The following BACE1 variants were observed in gnomAD, a reference collection of about 807,000 sequenced individuals.
BACE1 encodes the protein APP beta-secretase.
In BACE1, 21 loss-of-function variants were observed where a neutral mutation model predicts 54.0. The observed-to-expected ratio is 0.39, with a 90% CI of 0.28 to 0.56. The LOEUF is 0.56. BACE1 is among the 20% of genes least tolerant of loss of function. The pLI is 0.63. For missense variants in BACE1, 511 were observed against 661.2 expected, an observed-to-expected ratio of 0.77 and a Z score of 2.49; for synonymous variants, 232 against 260.9, an observed-to-expected ratio of 0.89 and a Z score of 1.07.
intron 1 of BACE1, among the ~76,000 whole-genome samples, chr11:117,301,276 G>A (rs565356556): frequency 1.3e-5 from 2 of 152,184 alleles, no homozygotes; most frequent in South Asian, 4.1e-4. Flanking sequence ...AGCTCCCGAC[G>A]CACGCACCCA....
chr11:117,293,253 C>A lies in BACE1; in HGVS notation c.706-65G>T, dbSNP rs555861462. On this transcript the variant is annotated intron_variant, in intron 4 of 8. Transcript: ENST00000313005. This position sits in a 1 kb window ranked among gnomAD's most constrained non-coding sequence, Gnocchi z 4.1. ...GAAGGAGAGTGAGTCCCCCAAGGAC[C>A]AAGCAATAAGATCAGTGATTTCTTG... The A allele has an allele frequency of 1.9e-6, 3 of 1,556,976 alleles. No homozygotes were observed. The highest frequency in any genetic ancestry group is 2.7e-5 in the African/African-American group (2 of 73,224).
intron 1 of BACE1, among the ~76,000 whole-genome samples, chr11:117,309,460 A>T (rs942258479): frequency 1.3e-5 from 2 of 151,844 alleles, no homozygotes; most frequent in African/African-American, 4.8e-5. Flanking sequence ...TCTTTCAAAT[A>T]CCTCCGTTTT....
rs779869666 is a variant in BACE1 at position 117,290,893 on chromosome 11, G to T, written c.1092+7C>A. On this transcript the variant is annotated splice_region_variant and intron_variant, in intron 7 of 8. Transcript: ENST00000313005. The stretch of plus-strand genomic sequence containing the variant: ...GAGAGATCCCCCTGACTCAGGCTGG[G>T]ACATACCTGCGGAAGGATGGTGATG... The T allele has an allele frequency of 6.2e-7, 1 of 1,613,570 alleles. No individual in the cohort carries two copies. Among genetic ancestry groups the T allele is most frequent in the Non-Finnish European group, 8.5e-7 (1 of 1,179,800 alleles).
intron 5 of BACE1, 77 bp downstream of exon 5, chr11:117,292,977 A>G (rs961634088): frequency 1.0e-5 from 16 of 1,546,278 alleles, no homozygotes; most frequent in African/African-American, 8.2e-5. Context: ...CATCCTCCCA[A>G]CATGATAACC....
chr11:117,295,630 G>A (rs1193811703), intron 2 of BACE1: 12 of 1,531,238 alleles, frequency 7.8e-6, no homozygotes, highest in Admixed American at 3.9e-5. Flanking sequence ...TGGGCTTTGT[G>A]CATTGTGCCT....
Position 117,295,345 on chromosome 11 carries a change from G to T in BACE1, c.353C>A (p.Ser118Tyr). ...CTTCCGGAGGTCCCGGTATGTGCTGGACCTGTGGAAAGAAGGCAGAGATCT... is the reference window on the plus strand; with the variant it reads ...CTTCCGGAGGTCCCGGTATGTGCTGTACCTGTGGAAAGAAGGCAGAGATCT... ...FLHRYYQRQLSSTYRDLRKGV... is the reference protein window; with the variant it reads ...FLHRYYQRQLYSTYRDLRKGV... Residue 118 changes from serine (S) to tyrosine (Y), a missense_variant and splice_region_variant, in exon 3 of 9, where the codon TCC (serine) becomes TAC (tyrosine). Transcript: ENST00000313005. 1.2e-6 allele frequency: 2 copies of T among 1,611,364 alleles called. No individual in the cohort carries two copies. Among genetic ancestry groups the T allele is most frequent in the Non-Finnish European group, 1.7e-6 (2 of 1,177,660 alleles).
intron 1 of BACE1, among the ~76,000 whole-genome samples, chr11:117,310,402 ATAAAAT>A (rs1298251199): frequency 6.6e-6 from 1 of 152,208 alleles, no homozygotes; most frequent in African/African-American, 2.4e-5. Flanking sequence ...AAATAAATAA[ATAAAAT>A]TAAAAAGACA....
chr11:117,295,111 C>T lies in BACE1; in HGVS notation c.567+20G>A, dbSNP rs2034564146. ...TGCAGTGTGCATAGAGTGTGTAGGG[C>T]CAAGCCCTGTTCCTCTCACCCTGGC... On this transcript the variant is annotated intron_variant, in intron 3 of 8. Transcript: ENST00000313005. 1 of 1,609,296 alleles carries T rather than the reference C, an allele frequency of 6.2e-7. No individual in the cohort carries two copies. The highest frequency in any genetic ancestry group is 8.5e-7 in the Non-Finnish European group (1 of 1,175,758).
At chr11:117,296,850 C>G (rs1254209313) in intron 2 of BACE1, 23 bp downstream of exon 2, 2 of 1,591,116 alleles carry the variant, frequency 1.3e-6, no homozygotes, top group African/African-American at 1.3e-5. Context: ...AGGTACTTCC[C>G]CCGGGCTCTC....
chr11:117,316,221 A>C lies in BACE1; in HGVS notation c.-426T>G. Reference sequence around the variant, plus strand: ...CACCATAATCCAGCTCGCGGCTCGCAGCTCCCGGGCGGGCTGGGGAGGCGG... The same window carrying C: ...CACCATAATCCAGCTCGCGGCTCGCCGCTCCCGGGCGGGCTGGGGAGGCGG... On this transcript the variant is annotated 5_prime_UTR_variant, in exon 1 of 9. Coordinates refer to ENST00000313005, the MANE Select transcript of BACE1 (RefSeq NM_012104.6). 1 of 434,180 alleles carries C rather than the reference A, an allele frequency of 2.3e-6. No individual in the cohort carries two copies. The highest frequency in any genetic ancestry group is 4.3e-5 in the Admixed American group (1 of 23,102). The allele number at this position is 434,180 out of a possible 1,614,324, so 26.9% of individuals were successfully genotyped here. A position where few individuals can be genotyped will look rare whatever the true frequency, so the allele number is the denominator to read the frequency against.
Position 117,295,017 on chromosome 11 carries a change from T to C in BACE1, c.567+114A>G, listed in dbSNP as rs111958595. 51 of 1,098,978 alleles carry C rather than the reference T, an allele frequency of 4.6e-5. 3 individuals carry two copies. Among genetic ancestry groups the C allele is most frequent in the African/African-American group, 3.4e-4 (22 of 64,732 alleles). 68.1% of individuals were successfully genotyped at this position (1,098,978 alleles called of 1,614,324 possible). On this transcript the variant is annotated intron_variant, in intron 3 of 8. Coordinates refer to ENST00000313005, the MANE Select transcript of BACE1 (RefSeq NM_012104.6). ...GCCACCCTATACCCCTGTTAAATAA[T>C]CCTTTAAACTGATTGTTGCCCTCCT...
At chr11:117,301,439 C>T (rs2034722939) in intron 1 of BACE1, among the ~76,000 whole-genome samples, 1 of 152,034 alleles carries the variant, frequency 6.6e-6, no homozygotes, top group South Asian at 2.1e-4. Context: ...ACCTCCATGT[C>T]TACAAACAAA....
intron 1 of BACE1, among the ~76,000 whole-genome samples, chr11:117,302,827 G>T (rs2034754131): frequency 6.6e-6 from 1 of 152,246 alleles, no homozygotes; most frequent in African/African-American, 2.4e-5. Flanking sequence ...GGAGGTTGCA[G>T]TGAGCTGAGA....
At chr11:117,310,189 C>T (rs4245169) in intron 1 of BACE1, among the ~76,000 whole-genome samples, 26,910 of 152,068 alleles carry the variant, frequency 0.18, 2,654 homozygotes, top group Non-Finnish European at 0.22. Context: ...GGATTACAGG[C>T]GTGAGCTGCT....
chr11:117,290,390 C>G, intron 8 of BACE1, 98 bp downstream of exon 8: 4 of 1,442,688 alleles, frequency 2.8e-6, no homozygotes, highest in East Asian at 2.4e-5. Context: ...CTGTTACTAC[C>G]CTCCCCTAAA....
Position 117,293,194 on chromosome 11 carries a change from G to GA in BACE1, c.706-7dup. 1.2e-6 allele frequency: 2 copies of GA among 1,610,936 alleles called. No individual in the cohort carries two copies. The highest frequency in any genetic ancestry group is 4.5e-5 in the East Asian group (2 of 44,748). ...TGGTCGATACCTCCAATGATCTAGG[G>GA]AAAAAAAGAGGCAGGTACCCGTGTC... On this transcript the variant is annotated splice_polypyrimidine_tract_variant and splice_region_variant and intron_variant, in intron 4 of 8. Transcript: ENST00000313005. The surrounding 1 kb of genome is among the most constrained non-coding windows in gnomAD (Gnocchi z 4.1).
At position 117,293,180 on chromosome 11, in the gene BACE1, T is replaced by G; in HGVS notation, c.714A>C (p.Gly238=). The G allele has an allele frequency of 6.2e-7, 1 of 1,613,234 alleles. No homozygotes were observed. Among genetic ancestry groups the G allele is most frequent in the East Asian group, 2.2e-5 (1 of 44,786 alleles). Residue 238 remains glycine (G), a synonymous_variant, in exon 5 of 9, where the codon GGA becomes GGC. Transcript: ENST00000313005. The surrounding 1 kb of genome is among the most constrained non-coding windows in gnomAD (Gnocchi z 4.1). ...CTGTGTACAGCGAGTGGTCGATACCTCCAATGATCTAGGGAAAAAAAGAGG... is the reference window on the plus strand; with the variant it reads ...CTGTGTACAGCGAGTGGTCGATACCGCCAATGATCTAGGGAAAAAAAGAGG... ...LASVGGSMII[G]GIDHSLYTGS... is the part of the protein sequence containing the mutation.
At chr11:117,295,619 CTGGGCTTTG>C (rs1263038334) in intron 2 of BACE1, 4 of 1,534,418 alleles carry the variant, frequency 2.6e-6, no homozygotes, top group Admixed American at 2.0e-5. Context: ...AAGAACAAGC[CTGGGCTTTG>C]TGCATTGTGC....
At chr11:117,290,421 C>T in intron 8 of BACE1, 67 bp downstream of exon 8, 1 of 1,568,978 alleles carries the variant, frequency 6.4e-7, no homozygotes, top group Non-Finnish European at 8.6e-7. Context: ...CCCAGGTATA[C>T]TAACTGTTGT....
Sources: gnomAD v4.1 joint callset for allele counts (sites outside exome capture counted in the v4.1 genomes callset) on GRCh38, gnomAD v4.1.1 for gene constraint, Gnocchi (gnomAD v3.1) non-coding constraint, MANE v1.5 for transcripts, NCBI Gene and HGNC (gene_info 2026-07-23, HGNC 2026-07-21) for gene names.